Variants in LGSN observed in about 807,000 individuals in gnomAD.
LGSN encodes the protein lengsin.
A neutral mutation model predicts 19.5 loss-of-function variants in LGSN; 21 were observed. The ratio of observed to expected loss-of-function variants is 1.07; its 90% CI spans 0.76 to 1.55. The LOEUF (loss-of-function observed/expected upper bound fraction) is 1.55, where lower values mean the gene tolerates loss of function less well. LGSN is among the 40% of genes most tolerant of loss of function. The pLI is 0.00. For missense variants in LGSN, 673 were observed against 608.5 expected (o/e 1.11, Z -1.12); for synonymous variants, 257 against 215.6 (o/e 1.19, Z -1.68).
chr6:63,497,918 CTT>C, the LGSN span, among the ~76,000 whole-genome samples: 2 of 121,888 alleles, frequency 1.6e-5, no homozygotes, highest in Non-Finnish European at 1.6e-5. Context: ...TGTCATGTTT[CTT>C]TTTTTTTTTT....
chr6:63,377,913 CAAAAAA>C, the LGSN span, among the ~76,000 whole-genome samples: 1 of 54,350 alleles, frequency 1.8e-5, no homozygotes, highest in African/African-American at 6.4e-5. Context: ...GACTCCATCT[CAAAAAA>C]AAAAAAAAAA....
At chr6:63,379,311 T>G in the LGSN span, among the ~76,000 whole-genome samples, 1 of 152,166 alleles carries the variant, frequency 6.6e-6, no homozygotes, top group Non-Finnish European at 1.5e-5. Context: ...GGCCTGAGCT[T>G]TGAAAACGAG....
At chr6:63,479,480 C>T in the LGSN span, among the ~76,000 whole-genome samples, 1 of 151,854 alleles carries the variant, frequency 6.6e-6, no homozygotes. Context: ...TGGGTCACGC[C>T]TATAATCCCA....
At chr6:63,543,465 G>A in the LGSN span, among the ~76,000 whole-genome samples, 6 of 152,126 alleles carry the variant, frequency 3.9e-5, no homozygotes, top group Admixed American at 2.0e-4. Context: ...TATGAAAAGG[G>A]ATATTATCTA....
chr6:63,339,309 C>A, the LGSN span, among the ~76,000 whole-genome samples: 5 of 152,164 alleles, frequency 3.3e-5, no homozygotes, highest in Non-Finnish European at 4.4e-5. Flanking sequence ...GGAGTTTAAT[C>A]TCTCTTTAGT....
intron 1 of LGSN, 102 bp from the exon 2 acceptor site, chr6:63,295,147 C>T (rs961523405): frequency 9.6e-7 from 1 of 1,044,060 alleles, no homozygotes; most frequent in Non-Finnish European, 1.4e-6. Context: ...TTTTAATGAG[C>T]ATAGAAGACT....
the LGSN span, among the ~76,000 whole-genome samples, chr6:63,357,697 AATTTGTTTGAGTTC>A: frequency 6.6e-6 from 1 of 151,794 alleles, no homozygotes; most frequent in Non-Finnish European, 1.5e-5. Context: ...TTTTCTTGTA[AATTTGTTTGAGTTC>A]ATTGTAGATT....
At chr6:63,366,052 C>G in the LGSN span, among the ~76,000 whole-genome samples, 2 of 152,148 alleles carry the variant, frequency 1.3e-5, 1 homozygote, top group South Asian at 4.1e-4. Flanking sequence ...CCTCTCTCAC[C>G]ACTCCTATTC....
At chr6:63,546,414 T>A in the LGSN span, among the ~76,000 whole-genome samples, 73 of 151,980 alleles carry the variant, frequency 4.8e-4, 1 homozygote, top group Non-Finnish European at 9.0e-4. Flanking sequence ...GTTTAAAGAG[T>A]ACAACATTTG....
intron 1 of LGSN, among the ~76,000 whole-genome samples, chr6:63,311,393 A>ACCCTT (rs1337756669): frequency 3.9e-5 from 6 of 152,212 alleles, no homozygotes; most frequent in African/African-American, 1.4e-4. Flanking sequence ...CAAGGCATGA[A>ACCCTT]CAATTAGGGC....
At chr6:63,539,559 C>T in the LGSN span, among the ~76,000 whole-genome samples, 255 of 152,164 alleles carry the variant, frequency 1.7e-3, 1 homozygote, top group Middle Eastern at 6.8e-3. Flanking sequence ...AGGCAGATCA[C>T]GAGGTCAGGA....
At chr6:63,438,395 A>G in the LGSN span, among the ~76,000 whole-genome samples, 3 of 152,222 alleles carry the variant, frequency 2.0e-5, no homozygotes. Context: ...AGTAAAAGAA[A>G]CTACCATCAG....
At chr6:63,323,660 T>C (rs1769149662), upstream of LGSN, among the ~76,000 whole-genome samples, 1 of 151,380 alleles carries the variant, frequency 6.6e-6, no homozygotes, top group South Asian at 2.1e-4. Flanking sequence ...ATGGGCATTG[T>C]ACATATTAAC....
chr6:63,453,495 C>T, the LGSN span, among the ~76,000 whole-genome samples: 1 of 152,136 alleles, frequency 6.6e-6, no homozygotes, highest in South Asian at 2.1e-4. Context: ...AGGTCTTCTT[C>T]AACTGATCCC....
the LGSN span, among the ~76,000 whole-genome samples, chr6:63,414,104 C>G: frequency 1.3e-5 from 2 of 152,106 alleles, no homozygotes; most frequent in Admixed American, 6.6e-5. Flanking sequence ...ATGATCAAGT[C>G]ACAACATCTT....
the LGSN span, among the ~76,000 whole-genome samples, chr6:63,533,450 A>G: frequency 6.6e-6 from 1 of 152,218 alleles, no homozygotes; most frequent in Non-Finnish European, 1.5e-5. Flanking sequence ...TACACAGAAT[A>G]ATTACATGAA....
At chr6:63,526,121 T>C in the LGSN span, among the ~76,000 whole-genome samples, 7 of 151,752 alleles carry the variant, frequency 4.6e-5, no homozygotes, top group East Asian at 1.4e-3. Context: ...AGTCAGGAGT[T>C]CAAGACCAGC....
chr6:63,554,599 A>C, the LGSN span, among the ~76,000 whole-genome samples: 1 of 152,158 alleles, frequency 6.6e-6, no homozygotes, highest in Non-Finnish European at 1.5e-5. Context: ...GGAGTTCAAG[A>C]CCAGCCTGGC....
the LGSN span, among the ~76,000 whole-genome samples, chr6:63,345,255 G>A: frequency 3.0e-3 from 450 of 152,220 alleles, 3 homozygotes; most frequent in African/African-American, 0.01. Flanking sequence ...ACAGATTTTA[G>A]TAAGGTGGTT....
Sources: gnomAD v4.1 joint callset for allele counts (sites outside exome capture counted in the v4.1 genomes callset) on GRCh38, gnomAD v4.1.1 for gene constraint, MANE v1.5 for transcripts, NCBI Gene and HGNC (gene_info 2026-07-23, HGNC 2026-07-21) for gene names.